TP63: variants seen among roughly 807,000 people sequenced by gnomAD.
The protein encoded by TP63 is tumor protein p63.
A neutral mutation model predicts 82.8 loss-of-function variants in TP63; 17 were observed. The ratio of observed to expected loss-of-function variants is 0.21; its 90% CI spans 0.14 to 0.31. TP63 has a LOEUF of 0.31. Ranked by LOEUF, TP63 falls within the 10% of genes least tolerant of loss-of-function variation. The pLI is 1.00. For synonymous variants in TP63, 330 were observed against 321.7 expected (o/e 1.03, Z -0.28); for missense variants, 648 against 895.3 (o/e 0.72, Z 3.52).
chr3:189,618,802 T>C, the TP63 span, among the ~76,000 whole-genome samples: 1 of 152,198 alleles, frequency 6.6e-6, no homozygotes, highest in Non-Finnish European at 1.5e-5. Flanking sequence ...TCATATTATA[T>C]ATCCATTCTA....
chr3:189,843,063 A>G (rs1262642598), intron 4 of TP63, among the ~76,000 whole-genome samples: 1 of 152,222 alleles, frequency 6.6e-6, no homozygotes, highest in African/African-American at 2.4e-5. Context: ...GGCAACTAGA[A>G]CAAGGCTGGC....
At chr3:189,618,767 T>C in the TP63 span, among the ~76,000 whole-genome samples, 16 of 152,168 alleles carry the variant, frequency 1.1e-4, no homozygotes, top group African/African-American at 3.9e-4. Flanking sequence ...TCATCTAACA[T>C]AGTCTTCTGG....
At chr3:189,780,515 T>A (rs1410625587) in intron 3 of TP63, among the ~76,000 whole-genome samples, 3 of 148,446 alleles carry the variant, frequency 2.0e-5, no homozygotes, top group Non-Finnish European at 4.5e-5. Flanking sequence ...TAGGCCCCTA[T>A]TTCCTAATTC....
chr3:189,840,514 T>C (rs1713919404), intron 4 of TP63, among the ~76,000 whole-genome samples: 1 of 151,376 alleles, frequency 6.6e-6, no homozygotes, highest in African/African-American at 2.4e-5. Context: ...TGGGAGAGGG[T>C]GAGAATACAC....
chr3:189,691,594 T>C (rs1181531215), intron 1 of TP63, among the ~76,000 whole-genome samples: 4 of 152,186 alleles, frequency 2.6e-5, no homozygotes, highest in Non-Finnish European at 5.9e-5. Context: ...CAAATGTTTC[T>C]TGGGGGCCAA....
At chr3:189,891,160 C>G (rs1720977124) in intron 13 of TP63, among the ~76,000 whole-genome samples, 1 of 152,130 alleles carries the variant, frequency 6.6e-6, no homozygotes, top group Non-Finnish European at 1.5e-5. Flanking sequence ...GGAGCTATTC[C>G]CGCAATCAAA....
chr3:189,761,250 G>A (rs1299190744), intron 3 of TP63, among the ~76,000 whole-genome samples: 1 of 152,146 alleles, frequency 6.6e-6, no homozygotes, highest in Admixed American at 6.5e-5. Flanking sequence ...CTGTTGCATT[G>A]TCAGGCTGCA....
the TP63 span, among the ~76,000 whole-genome samples, chr3:189,600,291 G>A: frequency 1.3e-5 from 2 of 152,190 alleles, no homozygotes; most frequent in African/African-American, 4.8e-5. Context: ...ATGTGAATTT[G>A]TATAATGTGT....
intron 4 of TP63, among the ~76,000 whole-genome samples, chr3:189,818,473 A>T (rs1050131719): frequency 6.6e-6 from 1 of 152,064 alleles, no homozygotes; most frequent in Non-Finnish European, 1.5e-5. Context: ...ACTTATCTAG[A>T]ACTGACTGCT....
chr3:189,872,484 A>G (rs948834399), intron 9 of TP63, among the ~76,000 whole-genome samples: 2 of 152,062 alleles, frequency 1.3e-5, no homozygotes, highest in African/African-American at 4.8e-5. Context: ...GGGACACTAG[A>G]TAGCACTTCC....
Position 189,679,708 on chromosome 3 carries a change from G to C in TP63, c.62+48131G>C, listed in dbSNP as rs1715743841. ...GTCACATTCAAAAAATCATTGCCCA[G>C]ACTAATATAAAGAAGACTTTCTCCT... On this transcript the variant is annotated intron_variant, in intron 1 of 13. Transcript: ENST00000264731. Among the ~76,000 whole-genome samples, 6 of 151,972 alleles carry C rather than the reference G, an allele frequency of 3.9e-5. No individual in the cohort carries two copies. The South Asian group carries it at 1.0e-3, about 26-fold the overall frequency.
chr3:189,711,561 G>A (rs1288099323), intron 1 of TP63, among the ~76,000 whole-genome samples: 3 of 152,112 alleles, frequency 2.0e-5, no homozygotes, highest in African/African-American at 7.2e-5. Flanking sequence ...AGTAACATTG[G>A]CTCCAGGCTT....
chr3:189,886,761 G>A (rs1168182477), intron 11 of TP63, among the ~76,000 whole-genome samples: 1 of 152,084 alleles, frequency 6.6e-6, no homozygotes, highest in Non-Finnish European at 1.5e-5. Context: ...AGATAGGGAC[G>A]GATGTTTCTT....
At chr3:189,622,851 C>T in the TP63 span, among the ~76,000 whole-genome samples, 1 of 152,150 alleles carries the variant, frequency 6.6e-6, no homozygotes, top group South Asian at 2.1e-4. Context: ...CCATCTACTT[C>T]GCATGACAGT....
chr3:189,889,259 T>A, intron 11 of TP63, 81 bp from the exon 12 acceptor site: 4 of 1,606,900 alleles, frequency 2.5e-6, no homozygotes, highest in Non-Finnish European at 3.4e-6. Flanking sequence ...TTGATAAAAT[T>A]TAACCAGACA....
intron 4 of TP63, among the ~76,000 whole-genome samples, chr3:189,850,132 A>T (rs951754133): frequency 6.6e-6 from 1 of 151,980 alleles, no homozygotes; most frequent in African/African-American, 2.4e-5. Context: ...AAATACAAAA[A>T]TTAGCCAGAA....
chr3:189,813,238 T>C (rs1363421424), intron 4 of TP63, among the ~76,000 whole-genome samples: 1 of 152,198 alleles, frequency 6.6e-6, no homozygotes, highest in Non-Finnish European at 1.5e-5. Context: ...GACAAACTAC[T>C]GGAAGCAACC....
chr3:189,645,249 G>A (rs531630619), intron 1 of TP63: 19 of 300,720 alleles, frequency 6.3e-5, no homozygotes, highest in African/African-American at 1.5e-4. Flanking sequence ...CAAAATATTC[G>A]TACAGTATTC....
At chr3:189,682,504 G>C (rs1716005099) in intron 1 of TP63, among the ~76,000 whole-genome samples, 1 of 134,436 alleles carries the variant, frequency 7.4e-6, no homozygotes, top group Non-Finnish European at 1.5e-5. Context: ...GTTTAACCCA[G>C]CAGTTTCATT....
Sources: gnomAD v4.1 joint callset for allele counts (sites outside exome capture counted in the v4.1 genomes callset) on GRCh38, gnomAD v4.1.1 for gene constraint, MANE v1.5 for transcripts, NCBI Gene and HGNC (gene_info 2026-07-23, HGNC 2026-07-21) for gene names.